Variants in HERC4 observed in about 807,000 individuals in gnomAD.
HERC4 encodes HECT and RLD domain containing E3 ubiquitin protein ligase 4, also known as probable E3 ubiquitin-protein ligase HERC4.
HERC4 carries 28 observed loss-of-function variants against 124.3 expected under a neutral mutation model. The observed-to-expected ratio is 0.23, with a 90% CI of 0.17 to 0.31. The LOEUF is 0.31. Ranked by LOEUF, HERC4 falls within the 10% of genes least tolerant of loss-of-function variation. HERC4 has a pLI of 1.00. For synonymous variants in HERC4, 407 were observed against 421.5 expected, an observed-to-expected ratio of 0.97 and a Z score of 0.42; for missense variants, 713 against 1,229.3, an observed-to-expected ratio of 0.58 and a Z score of 6.28.
intron 9 of HERC4, among the ~76,000 whole-genome samples, chr10:68,008,468 A>T (rs2037723819): frequency 6.6e-6 from 1 of 152,196 alleles, no homozygotes; most frequent in African/African-American, 2.4e-5. Context: ...CAGTCTCCCC[A>T]GAAATTTGAA....
At chr10:68,055,320 C>T (rs1324299945) in intron 3 of HERC4, among the ~76,000 whole-genome samples, 1 of 152,042 alleles carries the variant, frequency 6.6e-6, no homozygotes, top group African/African-American at 2.4e-5. Flanking sequence ...AATCCATAGC[C>T]AAGAAAGTAT....
At chr10:67,929,969 G>A (rs1406435120) in intron 23 of HERC4, among the ~76,000 whole-genome samples, 1 of 151,972 alleles carries the variant, frequency 6.6e-6, no homozygotes. Flanking sequence ...ACCACACCCA[G>A]CTAATTTTGT....
At chr10:68,073,439 C>T (rs187324509) in intron 2 of HERC4, among the ~76,000 whole-genome samples, 6 of 152,242 alleles carry the variant, frequency 3.9e-5, no homozygotes, top group African/African-American at 1.2e-4. Flanking sequence ...CTAGTTTTGA[C>T]TTCTGGTTAT....
chr10:68,023,654 T>A (rs1184454409), intron 8 of HERC4, among the ~76,000 whole-genome samples: 1 of 152,216 alleles, frequency 6.6e-6, no homozygotes, highest in Non-Finnish European at 1.5e-5. Context: ...ACAATATTAA[T>A]GTACTTAATA....
chr10:67,954,594 C>T lies in HERC4; in HGVS notation c.2337+1G>A, dbSNP rs2034019699. ...GTAATTTAGATGGTTGGACATTTTA[C>T]CTTATCAGAAAACCAAATGAGCCTG... On this transcript the variant is annotated splice_donor_variant, in intron 19 of 24. Transcript: ENST00000373700. LOFTEE classifies it high-confidence loss of function. The T allele has an allele frequency of 6.2e-7, 1 of 1,608,878 alleles. No homozygotes were observed. Among genetic ancestry groups the T allele is most frequent in the African/African-American group, 1.3e-5 (1 of 74,758 alleles).
chr10:67,962,677 T>G (rs1349966906), intron 16 of HERC4, among the ~76,000 whole-genome samples: 1 of 151,616 alleles, frequency 6.6e-6, no homozygotes, highest in Admixed American at 6.6e-5. Context: ...TAGCAAAGAG[T>G]TTGGTAGTAA....
intron 15 of HERC4, among the ~76,000 whole-genome samples, chr10:67,973,059 TA>T (rs939228170): frequency 5.3e-5 from 8 of 152,142 alleles, no homozygotes; most frequent in Admixed American, 2.6e-4. Flanking sequence ...CACACATATA[TA>T]AAGCAAATGT....
intron 4 of HERC4, chr10:68,039,782 T>C: frequency 8.5e-7 from 1 of 1,173,262 alleles, no homozygotes; most frequent in African/African-American, 1.6e-5. Flanking sequence ...TACTAAACAT[T>C]TACTGTTATT....
intron 8 of HERC4, among the ~76,000 whole-genome samples, chr10:68,019,077 A>T (rs1589339020): frequency 6.8e-6 from 1 of 147,880 alleles, no homozygotes; most frequent in South Asian, 2.1e-4. Flanking sequence ...GCTCACTGCA[A>T]CCTCCGCCTC....
chr10:68,023,320 C>T (rs1202332407), intron 8 of HERC4, among the ~76,000 whole-genome samples: 2 of 152,056 alleles, frequency 1.3e-5, no homozygotes, highest in Non-Finnish European at 1.5e-5. Flanking sequence ...AATGCACAAG[C>T]AAAATTAGCA....
intron 19 of HERC4, among the ~76,000 whole-genome samples, chr10:67,946,717 G>A (rs1175969054): frequency 6.6e-6 from 1 of 152,056 alleles, no homozygotes; most frequent in African/African-American, 2.4e-5. Context: ...GACCATCCTG[G>A]CCAACATGGT....
intron 3 of HERC4, among the ~76,000 whole-genome samples, chr10:68,050,585 AAC>A (rs2133586498): frequency 6.6e-6 from 1 of 152,354 alleles, no homozygotes; most frequent in East Asian, 1.9e-4. Flanking sequence ...TTATTATAAA[AAC>A]ACACAACTTG....
chr10:68,039,436 G>A (rs1043941137), intron 4 of HERC4: 20 of 1,550,666 alleles, frequency 1.3e-5, no homozygotes, highest in Non-Finnish European at 1.7e-5. Context: ...CCATAAGAGA[G>A]TCCGGAGCAA....
At chr10:67,984,432 T>C (rs1000381124) in intron 15 of HERC4, among the ~76,000 whole-genome samples, 59 of 151,902 alleles carry the variant, frequency 3.9e-4, no homozygotes, top group African/African-American at 1.4e-3. Flanking sequence ...ATTTGTAGGA[T>C]CTAAAAATCA....
At chr10:68,055,520 A>C (rs2040505352) in intron 3 of HERC4, among the ~76,000 whole-genome samples, 1 of 152,202 alleles carries the variant, frequency 6.6e-6, no homozygotes, top group African/African-American at 2.4e-5. Context: ...ACGTATATAA[A>C]GAGCTTATGT....
chr10:68,014,035 G>T lies in HERC4; in HGVS notation c.1060C>A (p.Pro354Thr). Reference protein sequence around the residue: ...NWYPYNGQCLPDIDSEEYFCV... With the variant: ...NWYPYNGQCLTDIDSEEYFCV... ...ATATGACAGAACTTACCAATATCTGGTAGACACTGCCCATTATAGGGGTAC... is the reference window on the plus strand; with the variant it reads ...ATATGACAGAACTTACCAATATCTGTTAGACACTGCCCATTATAGGGGTAC... Residue 354 changes from proline (P) to threonine (T), a missense_variant, in exon 9 of 25, where the codon CCA (proline) becomes ACA (threonine). Coordinates refer to ENST00000373700, the MANE Select transcript of HERC4 (RefSeq NM_015601.4). 6.2e-7 allele frequency: 1 copy of T among 1,603,364 alleles called. No individual in the cohort carries two copies. Among genetic ancestry groups the T allele is most frequent in the South Asian group, 1.1e-5 (1 of 88,836 alleles).
intron 8 of HERC4, among the ~76,000 whole-genome samples, chr10:68,019,059 C>T (rs1354134787): frequency 2.1e-5 from 3 of 140,294 alleles, no homozygotes; most frequent in Admixed American, 7.7e-5. Flanking sequence ...TGCAATGGTG[C>T]GATCTCGGCT....
At chr10:68,034,688 C>T (rs1387749105) in intron 5 of HERC4, among the ~76,000 whole-genome samples, 1 of 152,156 alleles carries the variant, frequency 6.6e-6, no homozygotes, top group East Asian at 1.9e-4. Flanking sequence ...TAGGATGCCC[C>T]AGACTGAATT....
chr10:67,963,343 A>C (rs531648779), intron 16 of HERC4, among the ~76,000 whole-genome samples: 26 of 152,106 alleles, frequency 1.7e-4, no homozygotes, highest in African/African-American at 5.8e-4. Flanking sequence ...CAGCCTCCTA[A>C]GTAGCTGGGA....
Sources: allele counts gnomAD v4.1 joint callset (sites outside exome capture counted in the v4.1 genomes callset), GRCh38; gene constraint gnomAD v4.1.1; transcripts MANE v1.5; gene names NCBI Gene and HGNC (gene_info 2026-07-23, HGNC 2026-07-21).